Variants in NOL11 observed in about 807,000 individuals in gnomAD.
The protein encoded by NOL11 is nucleolar protein 11.
A neutral mutation model predicts 93.0 loss-of-function variants in NOL11; 42 were observed. The ratio of observed to expected loss-of-function variants is 0.45; its 90% confidence interval spans 0.35 to 0.58. The LOEUF (loss-of-function observed/expected upper bound fraction) is 0.58, where lower values mean the gene tolerates loss of function less well. Ranked by LOEUF, NOL11 falls within the 20% of genes least tolerant of loss-of-function variation. The pLI is 0.00. For missense variants in NOL11, 775 were observed against 841.8 expected, an observed-to-expected ratio of 0.92 and a Z score of 0.98; for synonymous variants, 296 against 293.7, an observed-to-expected ratio of 1.01 and a Z score of -0.08.
At position 67,737,063 on chromosome 17, in the gene NOL11, A is replaced by G. The variant is rs777068476; in HGVS notation, c.1144-8A>G. 6.3e-7 allele frequency: 1 copy of G among 1,577,490 alleles called. No individual in the cohort carries two copies. The highest frequency in any genetic ancestry group is 1.1e-5 in the South Asian group (1 of 90,148). On this transcript the variant is annotated splice_polypyrimidine_tract_variant and splice_region_variant and intron_variant, in intron 10 of 17. Transcript: ENST00000253247. ...TTTTGTGATCCTAATCAATTTACTT[A>G]ATTCCAGTTAAGGAGACGAAAAATT...
chr17:67,741,588 C>T (rs4791185), intron 16 of NOL11, among the ~76,000 whole-genome samples: 130,612 of 151,930 alleles, frequency 0.86, 56,249 homozygotes, highest in East Asian at 0.95. Context: ...TATTTTCTTT[C>T]TGAGACAGAG....
At chr17:67,742,941 T>A (rs2055268877) in intron 16 of NOL11, among the ~76,000 whole-genome samples, 1 of 152,172 alleles carries the variant, frequency 6.6e-6, no homozygotes, top group African/African-American at 2.4e-5. Flanking sequence ...AACTAAAATT[T>A]TTAAAAATAA....
intron 3 of NOL11, 36 bp from the exon 4 acceptor site, chr17:67,721,342 T>A: frequency 7.2e-7 from 1 of 1,391,220 alleles, no homozygotes; most frequent in African/African-American, 1.5e-5. Context: ...ATAAATTGTT[T>A]TAGAATAAAA....
At chr17:67,739,453 G>T (rs574488374) in intron 15 of NOL11, 63 bp from the exon 16 acceptor site, 1 of 962,188 alleles carries the variant, frequency 1.0e-6, no homozygotes, top group East Asian at 2.5e-5. Context: ...CTTCGTGATG[G>T]GTTTATATAA....
chr17:67,737,003 T>C (rs3752647), intron 10 of NOL11, 68 bp from the exon 11 acceptor site: 549,049 of 1,036,690 alleles, frequency 0.53, 148,294 homozygotes, highest in Admixed American at 0.65. Flanking sequence ...GAGTGTTTCA[T>C]ATCCCTCTAA....
At position 67,734,348 on chromosome 17, in the gene NOL11, T is replaced by C. The variant is rs763039579; in HGVS notation, c.854-15T>C. 1 of 1,480,748 alleles carries C rather than the reference T, an allele frequency of 6.8e-7. No individual in the cohort carries two copies. Among genetic ancestry groups the C allele is most frequent in the Non-Finnish European group, 9.4e-7 (1 of 1,062,494 alleles). The allele number at this position is 1,480,748 out of a possible 1,614,324, so 91.7% of individuals were successfully genotyped here. A position where few individuals can be genotyped will look rare whatever the true frequency, so the allele number is the denominator to read the frequency against. On this transcript the variant is annotated splice_polypyrimidine_tract_variant and intron_variant, in intron 7 of 17. Coordinates refer to ENST00000253247, the MANE Select transcript of NOL11 (RefSeq NM_015462.5). ...TACTTGGGACTTTTTTCTGAATTTA[T>C]GTCTTATTTTATAGAATGCCTCTCT...
At chr17:67,743,280 T>A (rs2055271540) in intron 16 of NOL11, 199 bp from the exon 17 acceptor site, 3 of 373,122 alleles carry the variant, frequency 8.0e-6, no homozygotes, top group Non-Finnish European at 1.4e-5. Context: ...AAATTTTTTT[T>A]AATTAGAATA....
chr17:67,737,454 C>T (rs1367694520), intron 11 of NOL11, 54 bp from the exon 12 acceptor site: 4 of 1,405,930 alleles, frequency 2.8e-6, no homozygotes, highest in Non-Finnish European at 3.9e-6. Context: ...ACGTTAAGTT[C>T]AGAGTGACAT....
chr17:67,735,568 A>T (rs1447873272), intron 8 of NOL11, among the ~76,000 whole-genome samples: 1 of 152,036 alleles, frequency 6.6e-6, no homozygotes, highest in African/African-American at 2.4e-5. Flanking sequence ...AGTGCATTAG[A>T]AGTTTGCCCA....
chr17:67,738,227 T>C lies in NOL11; in HGVS notation c.1635T>C (p.Ile545=). The change falls in exon 14 of 18, where the codon ATT becomes ATC. Residue 545 remains isoleucine (I), a synonymous_variant. Transcript: ENST00000253247. ...AGAAAATGGAAGAGCAAACTGAAAT[T>C]CTTCAAAATGGCTTCAATCCTGAAG... ...HDEKMEEQTE[I]LQNGFNPEED... The C allele has an allele frequency of 6.2e-7, 1 of 1,613,444 alleles. No individual in the cohort carries two copies. The highest frequency in any genetic ancestry group is 1.3e-5 in the African/African-American group (1 of 75,018).
intron 9 of NOL11, 151 bp downstream of exon 9, chr17:67,736,174 G>A (rs146560500): frequency 1.3e-5 from 9 of 708,878 alleles, no homozygotes; most frequent in East Asian, 3.0e-5. Flanking sequence ...GGCCAGGCAC[G>A]GTGTCTCACC....
At chr17:67,736,065 T>C (rs772201505) in intron 9 of NOL11, 42 bp downstream of exon 9, 3 of 1,550,242 alleles carry the variant, frequency 1.9e-6, no homozygotes, top group Non-Finnish European at 2.6e-6. Flanking sequence ...ACAAACCGTT[T>C]TATTAACTTG....
chr17:67,728,950 G>T (rs58796651), intron 7 of NOL11, among the ~76,000 whole-genome samples: 11,167 of 151,992 alleles, frequency 0.073, 1,023 homozygotes, highest in East Asian at 0.28. Context: ...TTTAAATTTT[G>T]TAATGCTCTT....
At chr17:67,736,870 G>A (rs1599046292) in intron 10 of NOL11, 116 bp downstream of exon 10, 17 of 847,304 alleles carry the variant, frequency 2.0e-5, no homozygotes, top group Non-Finnish European at 3.2e-5. Flanking sequence ...TATAATGACA[G>A]GACAGTTTGC....
Position 67,724,364 on chromosome 17 carries a change from C to T in NOL11, c.664+171C>T, listed in dbSNP as rs111280320. On this transcript the variant is annotated intron_variant, in intron 6 of 17. Transcript: ENST00000253247. Reference sequence around the variant, plus strand: ...TTTTTTTTTTTTTGAGACAGAGTCTCGCTCTGTCGCCCAGGCTGGAATGCA... The same window carrying T: ...TTTTTTTTTTTTTGAGACAGAGTCTTGCTCTGTCGCCCAGGCTGGAATGCA... Among the ~76,000 whole-genome samples the T allele has an allele frequency of 3.6e-3, 519 of 145,672 alleles. 4 individuals carry two copies. The highest frequency in any genetic ancestry group is 0.024 in the East Asian group (120 of 4,936).
intron 7 of NOL11, among the ~76,000 whole-genome samples, chr17:67,729,452 A>C (rs571385940): frequency 2.6e-5 from 4 of 151,686 alleles, no homozygotes; most frequent in Admixed American, 6.6e-5. Context: ...CATTATGTCA[A>C]AAGGAACCTG....
In NOL11 at chr17:67,724,144, G is replaced by C; in HGVS notation, c.615G>C (p.Lys205Asn). The change falls in exon 6 of 18, where the codon AAG (lysine) becomes AAC (asparagine). Residue 205 changes from lysine (K) to asparagine (N), a missense_variant. By Grantham distance (94) the Lys-to-Asn change is moderately conservative. Transcript: ENST00000253247. ...GACAAGACGAAAACTCTGTTATAAA[G>C]AGTTTTACTGCATCTGTAGATCGGA... Reference protein sequence around the residue: ...LLGQDENSVIKSFTASVDRKF... With the variant: ...LLGQDENSVINSFTASVDRKF... 6.3e-7 allele frequency: 1 copy of C among 1,589,562 alleles called. No individual in the cohort carries two copies. Among genetic ancestry groups the C allele is most frequent in the East Asian group, 2.2e-5 (1 of 44,690 alleles).
chr17:67,739,023 A>T lies in NOL11; in HGVS notation c.1842+13A>T, dbSNP rs1431363503. Reference sequence around the variant, plus strand: ...ACAGCATATCACGGTAAGTGTTCATACAAGTTGTATAGAATTTTACTTCTG... The same window carrying T: ...ACAGCATATCACGGTAAGTGTTCATTCAAGTTGTATAGAATTTTACTTCTG... On this transcript the variant is annotated intron_variant, in intron 15 of 17. Coordinates refer to ENST00000253247, the MANE Select transcript of NOL11 (RefSeq NM_015462.5). 2 of 1,579,252 alleles carry T rather than the reference A, an allele frequency of 1.3e-6. No homozygotes were observed. Among genetic ancestry groups the T allele is most frequent in the Non-Finnish European group, 1.7e-6 (2 of 1,152,212 alleles).
At chr17:67,738,006 TAC>T (rs1160420273) in intron 13 of NOL11, 34 bp downstream of exon 13, 6 of 1,577,348 alleles carry the variant, frequency 3.8e-6, no homozygotes, top group Non-Finnish European at 4.3e-6. Context: ...TTTTCTTCAC[TAC>T]ATTTATAATC....
Sources: gnomAD v4.1 joint callset for allele counts (sites outside exome capture counted in the v4.1 genomes callset) on GRCh38, gnomAD v4.1.1 for gene constraint, MANE v1.5 for transcripts, NCBI Gene and HGNC (gene_info 2026-07-23, HGNC 2026-07-21) for gene names.